The following WDPCP variants were observed in gnomAD, a reference collection of about 807,000 sequenced individuals.
The protein encoded by WDPCP is WD repeat containing planar cell polarity effector, also known as WD repeat-containing and planar cell polarity effector protein fritz homolog.
In WDPCP, 71 loss-of-function variants were observed where a neutral mutation model predicts 93.1. The observed-to-expected ratio is 0.76, with a 90% CI of 0.63 to 0.93. The LOEUF is 0.93. WDPCP is among the 40% of genes least tolerant of loss of function. WDPCP has a pLI of 0.00. For missense variants in WDPCP, 844 were observed against 887.4 expected (o/e 0.95, Z 0.62); for synonymous variants, 315 against 315.0 (o/e 1.00, Z 0.00).
At chr2:63,327,153 C>T (rs980170549) in intron 12 of WDPCP, among the ~76,000 whole-genome samples, 1 of 152,146 alleles carries the variant, frequency 6.6e-6, no homozygotes, top group Non-Finnish European at 1.5e-5. Flanking sequence ...GAAAAAGACA[C>T]AATGGGTATT....
At position 63,595,075 on chromosome 2, in the gene WDPCP, T is replaced by G. The variant is rs1255058624; in HGVS notation, n.488+55584A>C. On this transcript the variant is annotated intron_variant and non_coding_transcript_variant, in intron 3 of 4. Coordinates refer to the WDPCP transcript ENST00000467687. The stretch of plus-strand genomic sequence containing the variant: ...ATGGATACTGAATTATTCTTTCATG[T>G]CAGATACTGTACTTAGCTTTCCATG... The G allele has an allele frequency of 1.2e-5, 4 of 335,872 alleles. No individual in the cohort carries two copies. The East Asian group carries it at 2.5e-4, about 21-fold the overall frequency. The allele number at this position is 335,872 out of a possible 1,614,324, so 20.8% of individuals were successfully genotyped here. A position where few individuals can be genotyped will look rare whatever the true frequency, so the allele number is the denominator to read the frequency against.
At chr2:63,457,168 T>A in intron 6 of WDPCP, among the ~76,000 whole-genome samples, 1 of 151,302 alleles carries the variant, frequency 6.6e-6, no homozygotes, top group Non-Finnish European at 1.5e-5. Flanking sequence ...GCCACAGAAA[T>A]GTAAAAGATC....
Position 63,404,181 on chromosome 2 carries a change from G to T in WDPCP, c.1302C>A (p.Ala434=). The stretch of plus-strand genomic sequence containing the variant: ...ATTGCATTTGAACAAGACTGCTGGA[G>T]GCATCAAATAATTTACTGAATTGCA... ...ETLQFSKLFD[A]SSSLVQMQWI... Residue 434 remains alanine (A), a synonymous_variant, in exon 10 of 18, where the codon GCC becomes GCA. Coordinates refer to ENST00000272321, the MANE Select transcript of WDPCP (RefSeq NM_015910.7). 6.2e-7 allele frequency: 1 copy of T among 1,614,060 alleles called. No homozygotes were observed. The highest frequency in any genetic ancestry group is 8.5e-7 in the Non-Finnish European group (1 of 1,179,988).
intron 14 of WDPCP, among the ~76,000 whole-genome samples, chr2:63,230,654 T>C (rs1313245487): frequency 6.6e-6 from 1 of 152,166 alleles, no homozygotes; most frequent in African/African-American, 2.4e-5. Flanking sequence ...TGGTATCTCA[T>C]TGTGGTTTTG....
At chr2:63,491,445 C>T (rs984807636) in intron 2 of WDPCP, among the ~76,000 whole-genome samples, 19 of 152,122 alleles carry the variant, frequency 1.2e-4, no homozygotes, top group African/African-American at 4.6e-4. Context: ...CAAAGGACTC[C>T]CTCAAACGTC....
intron 17 of WDPCP, among the ~76,000 whole-genome samples, chr2:63,133,979 C>CG (rs1670454090): frequency 6.6e-6 from 1 of 152,148 alleles, no homozygotes; most frequent in Admixed American, 6.5e-5. Flanking sequence ...TATTTAGTCA[C>CG]TGTATAGTTG....
At chr2:63,779,020 G>C (rs901923120) in intron 2 of WDPCP, among the ~76,000 whole-genome samples, 1 of 152,088 alleles carries the variant, frequency 6.6e-6, no homozygotes, top group Non-Finnish European at 1.5e-5. Flanking sequence ...CCTCACTAAA[G>C]AAGGGGAATG....
intron 9 of WDPCP, among the ~76,000 whole-genome samples, chr2:63,420,297 C>A (rs1201718452): frequency 1.3e-5 from 2 of 148,174 alleles, no homozygotes; most frequent in African/African-American, 5.0e-5. Flanking sequence ...CCAAGGTGGG[C>A]AGATCACCTG....
Position 63,285,525 on chromosome 2 carries a change from G to A in WDPCP, c.1813-26116C>T, listed in dbSNP as rs1379347787. Among the ~76,000 whole-genome samples the A allele has an allele frequency of 3.3e-5, 5 of 151,468 alleles. No individual in the cohort carries two copies. The East Asian group carries it at 9.6e-4, about 29-fold the overall frequency. On this transcript the variant is annotated intron_variant, in intron 13 of 17. Coordinates refer to ENST00000272321, the MANE Select transcript of WDPCP (RefSeq NM_015910.7). Reference sequence around the variant, plus strand: ...AATCAACTACATTTTGTCTACGGGAGACCCACTTTAAAGACAAAGATAGGT... The same window carrying A: ...AATCAACTACATTTTGTCTACGGGAAACCCACTTTAAAGACAAAGATAGGT...
At chr2:63,460,478 GAAGT>G (rs1436961918) in intron 6 of WDPCP, among the ~76,000 whole-genome samples, 1 of 152,072 alleles carries the variant, frequency 6.6e-6, no homozygotes, top group Non-Finnish European at 1.5e-5. Flanking sequence ...GAGAGAACTT[GAAGT>G]AATACCAACA....
chr2:63,733,721 G>C (rs1385501713), intron 2 of WDPCP, among the ~76,000 whole-genome samples: 1 of 152,148 alleles, frequency 6.6e-6, no homozygotes, highest in Admixed American at 6.5e-5. Flanking sequence ...TTCTTCTTGT[G>C]CAGAATCTTC....
intron 17 of WDPCP, among the ~76,000 whole-genome samples, chr2:63,127,694 T>TATATAC (rs1444625178): frequency 6.1e-5 from 8 of 130,918 alleles, no homozygotes; most frequent in African/African-American, 2.0e-4. Context: ...TATATATATA[T>TATATAC]ACGCACACAC....
chr2:63,307,959 T>A (rs988961558), intron 13 of WDPCP, among the ~76,000 whole-genome samples: 4 of 151,802 alleles, frequency 2.6e-5, no homozygotes, highest in Non-Finnish European at 5.9e-5. Flanking sequence ...TGGGAGAAAA[T>A]TTTTGCAATG....
At chr2:63,387,518 A>C (rs1055914202) in intron 10 of WDPCP, among the ~76,000 whole-genome samples, 21 of 152,180 alleles carry the variant, frequency 1.4e-4, no homozygotes, top group African/African-American at 4.8e-4. Flanking sequence ...ACCTATGATA[A>C]ATCCACAGCC....
chr2:63,218,127 T>G (rs1559214228), intron 14 of WDPCP, among the ~76,000 whole-genome samples: 1 of 152,214 alleles, frequency 6.6e-6, no homozygotes, highest in African/African-American at 2.4e-5. Context: ...AATACTTATC[T>G]AAAAGCTATA....
chr2:63,763,591 CAT>C (rs1384812281), intron 2 of WDPCP, among the ~76,000 whole-genome samples: 1 of 151,422 alleles, frequency 6.6e-6, no homozygotes, highest in Non-Finnish European at 1.5e-5. Context: ...CCAAAATACA[CAT>C]GTTGTTAATT....
chr2:63,655,136 C>T (rs535461610), intron 2 of WDPCP, among the ~76,000 whole-genome samples: 1 of 152,274 alleles, frequency 6.6e-6, no homozygotes, highest in South Asian at 2.1e-4. Flanking sequence ...TGCCCAATTG[C>T]AAAGGGGCCA....
At chr2:63,828,167 T>G (rs1191025618), upstream of WDPCP, among the ~76,000 whole-genome samples, 4 of 148,718 alleles carry the variant, frequency 2.7e-5, no homozygotes, top group Non-Finnish European at 6.0e-5. Flanking sequence ...TGGATTTACT[T>G]TTTTTTTTTT....
chr2:63,590,900 C>T (rs772668695), upstream of WDPCP: 4 of 152,152 alleles, frequency 2.6e-5, no homozygotes, highest in Admixed American at 1.3e-4. Context: ...TCATTCAAAG[C>T]GGAGGATTCT....
Sources: gnomAD v4.1 joint callset for allele counts (sites outside exome capture counted in the v4.1 genomes callset) on GRCh38, gnomAD v4.1.1 for gene constraint, MANE v1.5 for transcripts, NCBI Gene and HGNC (gene_info 2026-07-23, HGNC 2026-07-21) for gene names.